HS3ST3A1: variants seen among roughly 807,000 people sequenced by gnomAD.
HS3ST3A1 encodes the protein heparan sulfate-glucosamine 3-sulfotransferase 3A1, also known as heparan sulfate glucosamine 3-O-sulfotransferase 3A1.
HS3ST3A1 carries 19 observed loss-of-function variants against 25.7 expected under a neutral mutation model. The observed-to-expected ratio is 0.74, with a 90% CI of 0.52 to 1.08. The LOEUF (loss-of-function observed/expected upper bound fraction) is 1.08, where lower values mean the gene tolerates loss of function less well. HS3ST3A1 is among the 50% of genes least tolerant of loss of function. HS3ST3A1 has a pLI of 0.00. For missense variants in HS3ST3A1, 459 were observed against 594.3 expected, an observed-to-expected ratio of 0.77 and a Z score of 2.37; for synonymous variants, 226 against 278.6, an observed-to-expected ratio of 0.81 and a Z score of 1.88.
At chr17:13,563,811 C>T (rs1486488460) in intron 1 of HS3ST3A1, among the ~76,000 whole-genome samples, 1 of 152,174 alleles carries the variant, frequency 6.6e-6, no homozygotes, top group Non-Finnish European at 1.5e-5. Flanking sequence ...GCAGCTCCTT[C>T]CTTTCCTGAT....
chr17:13,545,651 G>A (rs542394299), intron 1 of HS3ST3A1, among the ~76,000 whole-genome samples: 1 of 152,292 alleles, frequency 6.6e-6, no homozygotes, highest in South Asian at 2.1e-4. Context: ...GGAGTCCCGG[G>A]AGAAACCTCC....
chr17:13,546,963 T>C (rs757340047), intron 1 of HS3ST3A1, among the ~76,000 whole-genome samples: 1 of 152,230 alleles, frequency 6.6e-6, no homozygotes, highest in Non-Finnish European at 1.5e-5. Flanking sequence ...CTTCATATGG[T>C]ATGCAACTTT....
chr17:13,538,633 A>G (rs1335532650), intron 1 of HS3ST3A1, among the ~76,000 whole-genome samples: 1 of 152,036 alleles, frequency 6.6e-6, no homozygotes, highest in Non-Finnish European at 1.5e-5. Flanking sequence ...ACATTAAGAG[A>G]CTCAGGCAAG....
chr17:13,562,023 C>T (rs904218137), intron 1 of HS3ST3A1, among the ~76,000 whole-genome samples: 7 of 152,066 alleles, frequency 4.6e-5, no homozygotes, highest in Admixed American at 1.3e-4. Flanking sequence ...CAAAGTCACG[C>T]CGCCCATGTC....
intron 1 of HS3ST3A1, among the ~76,000 whole-genome samples, chr17:13,551,271 C>T (rs193044075): frequency 5.9e-5 from 9 of 151,430 alleles, no homozygotes; most frequent in Admixed American, 4.6e-4. Flanking sequence ...ATCGCTTGAA[C>T]CTGGGAGGCA....
At chr17:13,588,808 C>CA (rs1489870049) in intron 1 of HS3ST3A1, among the ~76,000 whole-genome samples, 1 of 152,126 alleles carries the variant, frequency 6.6e-6, no homozygotes, top group Non-Finnish European at 1.5e-5. Flanking sequence ...CTCAGCCTCC[C>CA]AAGTAGCTGG....
chr17:13,512,311 A>AAAAAAAC (rs1555537350), intron 1 of HS3ST3A1, among the ~76,000 whole-genome samples: 1 of 150,328 alleles, frequency 6.7e-6, no homozygotes, highest in African/African-American at 2.5e-5. Flanking sequence ...GTCTCAAAAA[A>AAAAAAAC]AAAAAAAAAA....
In HS3ST3A1 at chr17:13,533,942, A is replaced by G. The variant is rs1370282938; in HGVS notation, c.600-37124T>C. Among the ~76,000 whole-genome samples, 5 of 152,312 alleles carry G rather than the reference A, an allele frequency of 3.3e-5. No homozygotes were observed. The East Asian group carries it at 9.7e-4, about 29-fold the overall frequency. On this transcript the variant is annotated intron_variant, in intron 1 of 1. Transcript: ENST00000284110. Reference sequence around the variant, plus strand: ...AAGAGAGAGAAAGAAATTAGGATGAATTTAGTATTTTTAAGAAAACTAGCC... The same window carrying G: ...AAGAGAGAGAAAGAAATTAGGATGAGTTTAGTATTTTTAAGAAAACTAGCC...
At chr17:13,594,963 T>C (rs898789164) in intron 1 of HS3ST3A1, among the ~76,000 whole-genome samples, 1 of 152,214 alleles carries the variant, frequency 6.6e-6, no homozygotes, top group Non-Finnish European at 1.5e-5. Flanking sequence ...TAGGTGGCGC[T>C]ACATATCACA....
chr17:13,548,220 T>A (rs2048525352), intron 1 of HS3ST3A1, among the ~76,000 whole-genome samples: 1 of 151,964 alleles, frequency 6.6e-6, no homozygotes, highest in African/African-American at 2.4e-5. Flanking sequence ...GGCTGGGAGG[T>A]CCAAGATCAA....
intron 1 of HS3ST3A1, among the ~76,000 whole-genome samples, chr17:13,555,063 G>A (rs1907335289): frequency 6.6e-6 from 1 of 152,056 alleles, no homozygotes; most frequent in African/African-American, 2.4e-5. Context: ...TTCACCAATG[G>A]TGTCCCACGC....
intron 1 of HS3ST3A1, among the ~76,000 whole-genome samples, chr17:13,513,948 A>G (rs1905963280): frequency 6.6e-6 from 1 of 152,140 alleles, no homozygotes; most frequent in Admixed American, 6.5e-5. Context: ...ATTAAAGTAT[A>G]TATTTTCTCA....
At chr17:13,531,958 G>A (rs8079179) in intron 1 of HS3ST3A1, among the ~76,000 whole-genome samples, 67,319 of 151,988 alleles carry the variant, frequency 0.44, 16,600 homozygotes, top group African/African-American at 0.67. Flanking sequence ...CCACATCAAG[G>A]GGAGGTGGTA....
chr17:13,515,241 C>T (rs1906012288), intron 1 of HS3ST3A1, among the ~76,000 whole-genome samples: 1 of 152,202 alleles, frequency 6.6e-6, no homozygotes, highest in Non-Finnish European at 1.5e-5. Flanking sequence ...CTCACTGCAA[C>T]TTCCACCTCT....
chr17:13,519,529 G>A (rs1906159812), intron 1 of HS3ST3A1, among the ~76,000 whole-genome samples: 1 of 152,092 alleles, frequency 6.6e-6, no homozygotes, highest in Admixed American at 6.6e-5. Context: ...TAAGCTGAAA[G>A]TGCTTAGAAT....
At chr17:13,579,755 T>C (rs1424453265) in intron 1 of HS3ST3A1, among the ~76,000 whole-genome samples, 1 of 134,022 alleles carries the variant, frequency 7.5e-6, no homozygotes, top group Non-Finnish European at 1.6e-5. Context: ...TTTGGGAGAC[T>C]GACAGAACTC....
intron 1 of HS3ST3A1, among the ~76,000 whole-genome samples, chr17:13,499,926 A>G (rs1232941738): frequency 6.6e-6 from 1 of 152,220 alleles, no homozygotes; most frequent in Non-Finnish European, 1.5e-5. Context: ...GCAAAAATAA[A>G]GAAACGATAG....
intron 1 of HS3ST3A1, among the ~76,000 whole-genome samples, chr17:13,572,525 G>T (rs886682950): frequency 4.6e-5 from 7 of 152,226 alleles, no homozygotes; most frequent in African/African-American, 1.7e-4. Context: ...CCAGCAGAAA[G>T]TATGCGAGAG....
intron 1 of HS3ST3A1, among the ~76,000 whole-genome samples, chr17:13,512,157 G>A (rs1336777625): frequency 6.6e-6 from 1 of 151,864 alleles, no homozygotes; most frequent in Admixed American, 6.6e-5. Flanking sequence ...AAATTAGCCG[G>A]GCGCGGTGGC....
Sources: gnomAD v4.1 joint callset for allele counts (sites outside exome capture counted in the v4.1 genomes callset) on GRCh38, gnomAD v4.1.1 for gene constraint, MANE v1.5 for transcripts, NCBI Gene and HGNC (gene_info 2026-07-23, HGNC 2026-07-21) for gene names.